Variants in LRMDA observed in about 807,000 individuals in gnomAD.
The protein encoded by LRMDA is leucine-rich melanocyte differentiation-associated protein.
LRMDA carries 18 observed loss-of-function variants against 29.8 expected under a neutral mutation model. The observed-to-expected ratio is 0.60, with a 90% CI of 0.42 to 0.90. The LOEUF is 0.90. Among genes scored for constraint, LRMDA ranks in the 40% least tolerant of loss-of-function variants. The pLI is 0.00. For missense variants in LRMDA, 273 were observed against 273.9 expected, an observed-to-expected ratio of 1.00 and a Z score of 0.02; for synonymous variants, 125 against 109.4, an observed-to-expected ratio of 1.14 and a Z score of -0.89.
In LRMDA at chr10:76,286,165, A is replaced by G. The variant is rs566702788; in HGVS notation, c.517-38236A>G. 3.9e-5 allele frequency among the ~76,000 whole-genome samples: 6 copies of G among 152,274 alleles called. 1 individual carries two copies. Among genetic ancestry groups the G allele is most frequent in the African/African-American group, 1.4e-4 (6 of 41,560 alleles). ...GTTCTTCCATTATTTTATAAATATCAATATTTGACACAGTATGGAAGGTGA... is the reference window on the plus strand; with the variant it reads ...GTTCTTCCATTATTTTATAAATATCGATATTTGACACAGTATGGAAGGTGA... On this transcript the variant is annotated intron_variant, in intron 5 of 6. Coordinates refer to ENST00000611255, the MANE Select transcript of LRMDA (RefSeq NM_001305581.2).
intron 5 of LRMDA, among the ~76,000 whole-genome samples, chr10:76,073,796 T>C (rs1848913358): frequency 6.6e-6 from 1 of 152,322 alleles, no homozygotes; most frequent in African/African-American, 2.4e-5. Flanking sequence ...TCTTTGGAAA[T>C]GAGTTTCCTA....
intron 2 of LRMDA, among the ~76,000 whole-genome samples, chr10:75,889,133 G>A (rs1447240875): frequency 6.6e-6 from 1 of 152,164 alleles, no homozygotes; most frequent in Non-Finnish European, 1.5e-5. Context: ...CTCCAAGGGT[G>A]TTTGTGGAGT....
rs368139993 is a variant in LRMDA, at chr10:76,559,293, G to T, written c.*2005G>T. 6.6e-6 allele frequency: 1 copy of T among 151,962 alleles called. No homozygotes were observed. The highest frequency in any genetic ancestry group is 1.5e-5 in the Non-Finnish European group (1 of 68,008). 9.4% of individuals were successfully genotyped at this position (151,962 alleles called of 1,614,324 possible). On this transcript the variant is annotated 3_prime_UTR_variant, in exon 7 of 7. Transcript: ENST00000611255. ...AATGTCAGAACCATTTGTATCATGC[G>T]CAGGAATGTCTCCCTCAATGTGAGC...
chr10:75,545,607 A>G (rs976743425), intron 2 of LRMDA, among the ~76,000 whole-genome samples: 2 of 152,180 alleles, frequency 1.3e-5, no homozygotes, highest in African/African-American at 2.4e-5. Context: ...AGGTGGTGAC[A>G]TGAATCTTGG....
intron 2 of LRMDA, among the ~76,000 whole-genome samples, chr10:75,536,643 A>G (rs1254791519): frequency 6.6e-6 from 1 of 152,168 alleles, no homozygotes; most frequent in African/African-American, 2.4e-5. Flanking sequence ...AGCTCGCTGT[A>G]TACTTGAACT....
At chr10:75,524,952 G>A (rs1348336634) in intron 2 of LRMDA, among the ~76,000 whole-genome samples, 1 of 152,104 alleles carries the variant, frequency 6.6e-6, no homozygotes, top group Non-Finnish European at 1.5e-5. Context: ...GTGGTGGTGG[G>A]ACTTAGTTAG....
intron 2 of LRMDA, among the ~76,000 whole-genome samples, chr10:76,016,367 G>A (rs1207170919): frequency 6.7e-6 from 1 of 149,476 alleles, no homozygotes; most frequent in Non-Finnish European, 1.5e-5. Context: ...TTTTAGTTTT[G>A]GTTTATTTAT....
At chr10:76,358,281 AT>A (rs1315039814) in intron 6 of LRMDA, among the ~76,000 whole-genome samples, 1 of 152,234 alleles carries the variant, frequency 6.6e-6, no homozygotes, top group African/African-American at 2.4e-5. Context: ...TCTTTTGGAA[AT>A]AACATGATTT....
intron 2 of LRMDA, among the ~76,000 whole-genome samples, chr10:75,978,215 T>C (rs1847107472): frequency 6.6e-6 from 1 of 152,188 alleles, no homozygotes; most frequent in Non-Finnish European, 1.5e-5. Flanking sequence ...TGTAGAGATT[T>C]ATTTCTCTCA....
intron 5 of LRMDA, among the ~76,000 whole-genome samples, chr10:76,126,348 T>C (rs1160702097): frequency 6.6e-6 from 1 of 152,244 alleles, no homozygotes; most frequent in Non-Finnish European, 1.5e-5. Flanking sequence ...AGATAGCGCA[T>C]AGGCATTCTG....
intron 2 of LRMDA, among the ~76,000 whole-genome samples, chr10:75,596,337 A>C (rs955699307): frequency 6.6e-6 from 1 of 152,220 alleles, no homozygotes; most frequent in African/African-American, 2.4e-5. Flanking sequence ...TGAGGAGTGA[A>C]GGTGACTGTG....
chr10:76,440,630 T>G lies in LRMDA; in HGVS notation c.601+116145T>G, dbSNP rs570278443. 2.4e-4 allele frequency among the ~76,000 whole-genome samples: 37 copies of G among 152,226 alleles called. No individual in the cohort carries two copies. The South Asian group carries it at 7.5e-3, about 31-fold the overall frequency. ...ACTCTAGCATTCCATTTGACCCAGTTAAATGCTTCTCATTATTACATGACT... is the reference window on the plus strand; with the variant it reads ...ACTCTAGCATTCCATTTGACCCAGTGAAATGCTTCTCATTATTACATGACT... On this transcript the variant is annotated intron_variant, in intron 6 of 6. Coordinates refer to ENST00000611255, the MANE Select transcript of LRMDA (RefSeq NM_001305581.2).
rs114717744 is a variant in LRMDA, at chr10:76,442,407, A to G, written c.602-114802A>G. 7.5e-3 allele frequency among the ~76,000 whole-genome samples: 1,145 copies of G among 152,342 alleles called. 14 individuals carry two copies. The highest frequency in any genetic ancestry group is 0.026 in the African/African-American group (1,093 of 41,578). On this transcript the variant is annotated intron_variant, in intron 6 of 6. Coordinates refer to ENST00000611255, the MANE Select transcript of LRMDA (RefSeq NM_001305581.2). The stretch of plus-strand genomic sequence containing the variant: ...TAAAATGAGAAGGTAAAACTAAATC[A>G]TAGGCCAGATGTGGTGGCTTACACC...
At chr10:76,191,687 C>T (rs1851249629) in intron 5 of LRMDA, among the ~76,000 whole-genome samples, 1 of 152,160 alleles carries the variant, frequency 6.6e-6, no homozygotes, top group Admixed American at 6.6e-5. Flanking sequence ...TGTTTAGTGA[C>T]AGACTGTCTG....
intron 6 of LRMDA, among the ~76,000 whole-genome samples, chr10:76,387,195 A>G (rs1841669601): frequency 1.3e-5 from 2 of 152,224 alleles, no homozygotes; most frequent in Non-Finnish European, 2.9e-5. Context: ...GAACACAAAA[A>G]TGCAGTCAAA....
intron 2 of LRMDA, among the ~76,000 whole-genome samples, chr10:75,758,542 A>T (rs1357641578): frequency 6.6e-6 from 1 of 152,182 alleles, no homozygotes; most frequent in Non-Finnish European, 1.5e-5. Flanking sequence ...AGTGAGGCAA[A>T]TGCTAGGCTG....
chr10:75,701,384 A>C (rs1186449543), intron 2 of LRMDA, among the ~76,000 whole-genome samples: 2 of 152,190 alleles, frequency 1.3e-5, no homozygotes, highest in African/African-American at 4.8e-5. Flanking sequence ...ATGTTCAGAT[A>C]AATTAAATTT....
intron 4 of LRMDA, 62 bp downstream of exon 4, chr10:76,047,365 T>C: frequency 1.3e-6 from 2 of 1,484,148 alleles, no homozygotes; most frequent in Non-Finnish European, 1.8e-6. Flanking sequence ...TAGGGGATGA[T>C]ATTATACTCT....
intron 2 of LRMDA, among the ~76,000 whole-genome samples, chr10:75,997,898 C>G (rs1317584473): frequency 6.6e-6 from 1 of 152,230 alleles, no homozygotes; most frequent in Non-Finnish European, 1.5e-5. Flanking sequence ...CTCTCCCCCT[C>G]TCTCCCCAAC....
Sources: gnomAD v4.1 joint callset for allele counts (sites outside exome capture counted in the v4.1 genomes callset) on GRCh38, gnomAD v4.1.1 for gene constraint, MANE v1.5 for transcripts, NCBI Gene and HGNC (gene_info 2026-07-23, HGNC 2026-07-21) for gene names.